TMEM132D: variants seen among roughly 807,000 people sequenced by gnomAD.
TMEM132D encodes the protein transmembrane protein 132D.
Under a neutral mutation model 62.3 loss-of-function variants are expected in TMEM132D, and 21 were observed. The observed-to-expected ratio is 0.34, with a 90% confidence interval of 0.24 to 0.49. The LOEUF (loss-of-function observed/expected upper bound fraction) is 0.49, where lower values mean the gene tolerates loss of function less well. Ranked by LOEUF, TMEM132D falls within the 20% of genes least tolerant of loss-of-function variation. The probability of loss-of-function intolerance (pLI) is 0.99; values close to 1 mark genes in which losing one functional copy is unlikely to be tolerated. For missense variants in TMEM132D, 1,346 were observed against 1,402.8 expected, an observed-to-expected ratio of 0.96 and a Z score of 0.65; for synonymous variants, 621 against 575.6, an observed-to-expected ratio of 1.08 and a Z score of -1.13.
intron 2 of TMEM132D, among the ~76,000 whole-genome samples, chr12:129,640,443 A>G (rs189328061): frequency 4.6e-5 from 7 of 152,322 alleles, no homozygotes; most frequent in Non-Finnish European, 1.0e-4. Flanking sequence ...TATCATCACC[A>G]GATGTCTGCT....
At position 129,239,627 on chromosome 12, in the gene TMEM132D, G is replaced by A. The variant is rs138527921; in HGVS notation, c.1300-29964C>T. Among the ~76,000 whole-genome samples, 916 of 152,268 alleles carry A rather than the reference G, an allele frequency of 6.0e-3. 5 individuals are homozygous for A. Among genetic ancestry groups the A allele is most frequent in the Admixed American group, 9.7e-3 (149 of 15,300 alleles). On this transcript the variant is annotated intron_variant, in intron 4 of 8. Transcript: ENST00000422113. The stretch of plus-strand genomic sequence containing the variant: ...AAGAGAGAGATTTGGGAATAGACAC[G>A]GAAGCAGAGAGAATGCCATCTGATC...
chr12:129,672,840 C>T (rs928940652), intron 2 of TMEM132D, among the ~76,000 whole-genome samples: 11 of 152,238 alleles, frequency 7.2e-5, no homozygotes, highest in South Asian at 2.1e-4. Flanking sequence ...CTCTGCCTCC[C>T]GGGTTCAAGC....
chr12:129,278,657 T>C (rs570693154), intron 4 of TMEM132D, among the ~76,000 whole-genome samples: 3 of 152,272 alleles, frequency 2.0e-5, no homozygotes, highest in East Asian at 3.9e-4. Flanking sequence ...AGAACTTCTG[T>C]GGGCTTTGGC....
intron 4 of TMEM132D, among the ~76,000 whole-genome samples, chr12:129,227,386 A>G (rs1366365960): frequency 1.4e-5 from 2 of 145,276 alleles, no homozygotes; most frequent in Non-Finnish European, 3.0e-5. Context: ...ATGGGTTTCA[A>G]TGCACTGTGT....
Position 129,903,198 on chromosome 12 carries a change from A to G in TMEM132D, c.79+63T>C, listed in dbSNP as rs1875427287. The G allele has an allele frequency of 8.6e-5, 130 of 1,514,204 alleles. 1 individual carries two copies. The South Asian group carries it at 1.5e-3, about 18-fold the overall frequency. 93.8% of individuals were successfully genotyped at this position (1,514,204 alleles called of 1,614,324 possible). ...TCCCGGCCGCCCCCATCCTCCACAC[A>G]CTCCCACACACTCACTCCAGGCGAA... On this transcript the variant is annotated intron_variant, in intron 1 of 8. Transcript: ENST00000422113. The surrounding 1 kb of genome is among the most constrained non-coding windows in gnomAD (Gnocchi z 6.2).
intron 3 of TMEM132D, 148 bp from the exon 4 acceptor site, chr12:129,337,965 C>T: frequency 1.3e-6 from 1 of 799,286 alleles, no homozygotes; most frequent in South Asian, 2.2e-5. Context: ...TTCAGAGATG[C>T]CATTCCAAAA....
intron 1 of TMEM132D, among the ~76,000 whole-genome samples, chr12:129,901,569 T>G (rs1875353259): frequency 4.6e-5 from 7 of 152,194 alleles, no homozygotes; most frequent in Admixed American, 4.6e-4. Flanking sequence ...ACATTTTACG[T>G]GCTAATTTTT....
At chr12:129,294,366 A>C (rs1881519548) in intron 4 of TMEM132D, among the ~76,000 whole-genome samples, 1 of 152,170 alleles carries the variant, frequency 6.6e-6, no homozygotes, top group Non-Finnish European at 1.5e-5. Flanking sequence ...TGCCTTCCCT[A>C]TCTGTCTTGG....
intron 5 of TMEM132D, among the ~76,000 whole-genome samples, chr12:129,170,603 T>A (rs1333991453): frequency 6.6e-6 from 1 of 152,108 alleles, no homozygotes; most frequent in Non-Finnish European, 1.5e-5. Context: ...GGCAGGCAGA[T>A]CACTTGAGGT....
Position 129,157,840 on chromosome 12 carries a change from C to T in TMEM132D, c.1443+51680G>A, listed in dbSNP as rs1455565874. On this transcript the variant is annotated intron_variant, in intron 5 of 8. Coordinates refer to ENST00000422113, the MANE Select transcript of TMEM132D (RefSeq NM_133448.3). ...AATTTCATTGCTTTTTCCTCTGCAGCTGTCAATCCACTTGCTAGAATGCTA... is the reference window on the plus strand; with the variant it reads ...AATTTCATTGCTTTTTCCTCTGCAGTTGTCAATCCACTTGCTAGAATGCTA... Among the ~76,000 whole-genome samples, 3 of 152,172 alleles carry T rather than the reference C, an allele frequency of 2.0e-5. No individual in the cohort carries two copies. The East Asian group carries it at 5.8e-4, about 29-fold the overall frequency.
At chr12:129,284,668 C>G (rs572211268) in intron 4 of TMEM132D, among the ~76,000 whole-genome samples, 1 of 152,210 alleles carries the variant, frequency 6.6e-6, no homozygotes, top group Admixed American at 6.5e-5. Context: ...AGTCCAAATG[C>G]CCATTGGCGG....
chr12:129,415,789 C>G (rs1007043325), intron 3 of TMEM132D, among the ~76,000 whole-genome samples: 2 of 152,198 alleles, frequency 1.3e-5, no homozygotes, highest in East Asian at 3.9e-4. Context: ...ACCATCCACA[C>G]AGGGAAATGC....
At chr12:129,283,018 G>T (rs1453419491) in intron 4 of TMEM132D, among the ~76,000 whole-genome samples, 1 of 152,124 alleles carries the variant, frequency 6.6e-6, no homozygotes, top group Admixed American at 6.5e-5. Flanking sequence ...TCTTCTCAGG[G>T]GCTCTACTTA....
At position 129,168,070 on chromosome 12, in the gene TMEM132D, A is replaced by G. The variant is rs1173540537; in HGVS notation, c.1443+41450T>C. 5.3e-5 allele frequency among the ~76,000 whole-genome samples: 8 copies of G among 152,348 alleles called. No homozygotes were observed. The East Asian group carries it at 1.2e-3, about 22-fold the overall frequency. ...AATTATAGCCATATTCACTGAGATAAAATGACAAGTTCAGAGTTAATAGAA... is the reference window on the plus strand; with the variant it reads ...AATTATAGCCATATTCACTGAGATAGAATGACAAGTTCAGAGTTAATAGAA... On this transcript the variant is annotated intron_variant, in intron 5 of 8. Coordinates refer to ENST00000422113, the MANE Select transcript of TMEM132D (RefSeq NM_133448.3).
At chr12:129,739,291 T>C (rs998330016) in intron 1 of TMEM132D, among the ~76,000 whole-genome samples, 1 of 151,992 alleles carries the variant, frequency 6.6e-6, no homozygotes, top group Non-Finnish European at 1.5e-5. Context: ...GGGAAACAGG[T>C]GTGGGTGGAG....
intron 1 of TMEM132D, among the ~76,000 whole-genome samples, chr12:129,725,770 T>A (rs1331669992): frequency 1.3e-5 from 2 of 152,226 alleles, no homozygotes; most frequent in East Asian, 1.9e-4. Flanking sequence ...ACAGAAAAGT[T>A]AACACAGCAG....
intron 1 of TMEM132D, among the ~76,000 whole-genome samples, chr12:129,792,993 G>A (rs988730085): frequency 1.3e-5 from 2 of 152,014 alleles, no homozygotes; most frequent in Admixed American, 6.5e-5. Flanking sequence ...ACGATATTAT[G>A]TGCACACACA....
chr12:129,136,248 T>C (rs1876553810), intron 5 of TMEM132D, among the ~76,000 whole-genome samples: 2 of 152,234 alleles, frequency 1.3e-5, no homozygotes, highest in South Asian at 4.1e-4. Context: ...TTGAATAATT[T>C]ACAGACATTA....
At chr12:129,725,705 T>C (rs1403270676) in intron 1 of TMEM132D, among the ~76,000 whole-genome samples, 1 of 152,114 alleles carries the variant, frequency 6.6e-6, no homozygotes, top group Non-Finnish European at 1.5e-5. Context: ...TTTGGGGAGA[T>C]AAAGAGAAAT....
Sources: gnomAD v4.1 joint callset for allele counts (sites outside exome capture counted in the v4.1 genomes callset) on GRCh38, gnomAD v4.1.1 for gene constraint, Gnocchi (gnomAD v3.1) non-coding constraint, MANE v1.5 for transcripts, NCBI Gene and HGNC (gene_info 2026-07-23, HGNC 2026-07-21) for gene names.